The following FAM133A variants were observed in gnomAD, a reference collection of about 807,000 sequenced individuals.
FAM133A encodes protein FAM133A.
For missense variants in FAM133A, 159 were observed against 164.4 expected, an observed-to-expected ratio of 0.97 and a Z score of 0.18; for synonymous variants, 65 against 58.6, an observed-to-expected ratio of 1.11 and a Z score of -0.50.
chrX:93,695,734 C>T (rs1234922281), intron 2 of FAM133A, among the ~76,000 whole-genome samples: 5 of 97,169 alleles, frequency 5.1e-5, no homozygotes, highest in Non-Finnish European at 2.1e-5. Context: ...CTCCGCCTCC[C>T]GGGTTCATGC....
At position 93,705,661 on chromosome X, in the gene FAM133A, C is replaced by T. The variant is rs139839419; in HGVS notation, c.-103-3656C>T. Among the ~76,000 whole-genome samples, 4 of 111,132 alleles carry T rather than the reference C, an allele frequency of 3.6e-5. No individual in the cohort carries two copies. The East Asian group carries it at 1.1e-3, about 32-fold the overall frequency. On this transcript the variant is annotated intron_variant, in intron 3 of 3. Transcript: ENST00000683942. ...CATCTTTCTCCCTTTTACCTCCTAC[C>T]ACCCTACAAAAAATCCTGCATCCAT...
chrX:93,673,988 T>TTA (rs1924489552), upstream of FAM133A: 1 of 38,732 alleles, frequency 2.6e-5, no homozygotes, highest in Non-Finnish European at 4.2e-5. Context: ...CAAAAAGCTG[T>TTA]AAAAAAAAAA....
chrX:93,682,538 A>G (rs1925235333), intron 2 of FAM133A, among the ~76,000 whole-genome samples: 1 of 112,468 alleles, frequency 8.9e-6, no homozygotes, highest in Non-Finnish European at 1.9e-5. Flanking sequence ...TGCTCAGAGT[A>G]TTGCTCTGCA....
At chrX:93,680,097 A>G (rs1925027432) in intron 2 of FAM133A, among the ~76,000 whole-genome samples, 1 of 107,330 alleles carries the variant, frequency 9.3e-6, no homozygotes, top group African/African-American at 3.4e-5. Flanking sequence ...TTTTGACAGT[A>G]TCTCCTCAAA....
chrX:93,676,259 A>G (rs762375420), intron 2 of FAM133A, among the ~76,000 whole-genome samples: 1 of 111,492 alleles, frequency 9.0e-6, no homozygotes, highest in South Asian at 3.7e-4. Context: ...TCATTGATAA[A>G]GTCAGGCAAT....
Position 93,711,255 on chromosome X carries a change from C to T in FAM133A, c.*1089C>T, listed in dbSNP as rs1207528054. On this transcript the variant is annotated 3_prime_UTR_variant, in exon 4 of 4. Coordinates refer to ENST00000683942, the MANE Select transcript of FAM133A (RefSeq NM_001171109.2). ...TGTACGCAAGTTGAGTGCCAGACCTCTAGTACGCCGTATGTTACATGAAAC... is the reference window on the plus strand; with the variant it reads ...TGTACGCAAGTTGAGTGCCAGACCTTTAGTACGCCGTATGTTACATGAAAC... 1 of 122,445 alleles carries T rather than the reference C, an allele frequency of 8.2e-6. No individual in the cohort carries two copies. The highest frequency in any genetic ancestry group is 1.9e-5 in the Non-Finnish European group (1 of 53,059). 10.1% of individuals were successfully genotyped at this position (122,445 alleles called of 1,213,427 possible). A position where few individuals can be genotyped will look rare whatever the true frequency, so the allele number is the denominator to read the frequency against.
At chrX:93,702,546 T>C (rs1926766805) in intron 3 of FAM133A, among the ~76,000 whole-genome samples, 1 of 110,432 alleles carries the variant, frequency 9.1e-6, no homozygotes, top group African/African-American at 3.3e-5. Context: ...TACAGATGAG[T>C]TCCAGAAAAT....
chrX:93,699,730 A>G (rs1273680729), intron 3 of FAM133A, among the ~76,000 whole-genome samples: 2 of 110,178 alleles, frequency 1.8e-5, no homozygotes, highest in Admixed American at 1.9e-4. Flanking sequence ...AGTAAGTTAC[A>G]GACCTCATGA....
At chrX:93,690,085 G>A (rs1311242620) in intron 2 of FAM133A, among the ~76,000 whole-genome samples, 1 of 110,332 alleles carries the variant, frequency 9.1e-6, no homozygotes, top group Non-Finnish European at 1.9e-5. Context: ...TATAGACTTG[G>A]GTGTAAAGAG....
chrX:93,684,240 C>A (rs1925362339), intron 2 of FAM133A, among the ~76,000 whole-genome samples: 2 of 111,876 alleles, frequency 1.8e-5, no homozygotes, highest in Admixed American at 1.9e-4. Flanking sequence ...ATTTTCCCAG[C>A]ACTATTTATT....
intron 2 of FAM133A, among the ~76,000 whole-genome samples, chrX:93,677,746 T>C (rs1013573590): frequency 1.8e-5 from 2 of 112,234 alleles, no homozygotes; most frequent in African/African-American, 6.5e-5. Context: ...GTTGTGTGTA[T>C]CAGGAGTTTA....
intron 3 of FAM133A, among the ~76,000 whole-genome samples, chrX:93,703,662 T>TTAAG (rs748443577): frequency 1.1e-4 from 12 of 112,729 alleles, no homozygotes; most frequent in Admixed American, 1.0e-3. Flanking sequence ...TCTTACTATA[T>TTAAG]TAAGGTAAAT....
chrX:93,674,100 A>C (rs764306158), upstream of FAM133A: 131 of 109,742 alleles, frequency 1.2e-3, no homozygotes, highest in African/African-American at 4.2e-3. Context: ...TAAATATTCT[A>C]TGAGCATGCA....
chrX:93,675,591 G>A (rs896232049), intron 2 of FAM133A, among the ~76,000 whole-genome samples: 7 of 111,328 alleles, frequency 6.3e-5, no homozygotes, highest in Non-Finnish European at 1.1e-4. Context: ...TTGGTCATAA[G>A]ATAAATTCCT....
chrX:93,699,882 C>T (rs950248695), intron 3 of FAM133A, among the ~76,000 whole-genome samples: 7 of 110,742 alleles, frequency 6.3e-5, no homozygotes, highest in African/African-American at 2.3e-4. Flanking sequence ...TAGAGCCTCC[C>T]CCCAGTTTTT....
At chrX:93,696,464 A>G (rs1052469246) in intron 2 of FAM133A, among the ~76,000 whole-genome samples, 59 of 111,827 alleles carry the variant, frequency 5.3e-4, no homozygotes, top group African/African-American at 1.9e-3. Context: ...TTTCCTTTCC[A>G]GTGTTCTTTC....
intron 2 of FAM133A, among the ~76,000 whole-genome samples, chrX:93,696,715 T>G (rs779960838): frequency 7.2e-4 from 79 of 110,077 alleles, no homozygotes; most frequent in Non-Finnish European, 1.1e-3. Flanking sequence ...GGTCAGGAGA[T>G]CGAGACCATT....
At chrX:93,686,092 A>C (rs1446197482) in intron 2 of FAM133A, among the ~76,000 whole-genome samples, 1 of 81,634 alleles carries the variant, frequency 1.2e-5, no homozygotes, top group Non-Finnish European at 2.3e-5. Flanking sequence ...AGGGTGACAG[A>C]GTGAGACTCC....
At chrX:93,691,267 T>C (rs1925872067) in intron 2 of FAM133A, among the ~76,000 whole-genome samples, 1 of 111,675 alleles carries the variant, frequency 9.0e-6, no homozygotes, top group South Asian at 3.7e-4. Context: ...TTTTATAATT[T>C]TAGCTCTTAC....
Sources: gnomAD v4.1 joint callset for allele counts (sites outside exome capture counted in the v4.1 genomes callset) on GRCh38, gnomAD v4.1.1 for gene constraint, MANE v1.5 for transcripts, NCBI Gene and HGNC (gene_info 2026-07-23, HGNC 2026-07-21) for gene names.